ADH5: variants seen among roughly 807,000 people sequenced by gnomAD.
The protein encoded by ADH5 is alcohol dehydrogenase 5 (class III), chi polypeptide.
Under a neutral mutation model 40.3 loss-of-function variants are expected in ADH5, and 32 were observed. The observed-to-expected ratio is 0.79, with a 90% CI of 0.60 to 1.07. The LOEUF (loss-of-function observed/expected upper bound fraction) is 1.07, where lower values mean the gene tolerates loss of function less well. ADH5 is among the 50% of genes least tolerant of loss of function. The pLI, the probability that ADH5 is intolerant of heterozygous loss-of-function variation, is 0.00. For synonymous variants in ADH5, 125 were observed against 154.3 expected (o/e 0.81, Z 1.41); for missense variants, 353 against 460.5 (o/e 0.77, Z 2.14).
intron 2 of ADH5, among the ~76,000 whole-genome samples, chr4:99,083,621 AAAAAAG>A (rs1298313608): frequency 2.0e-5 from 3 of 150,926 alleles, no homozygotes; most frequent in African/African-American, 7.3e-5. Flanking sequence ...AAAAAAAAAA[AAAAAAG>A]ATAAAAAGAC....
Position 99,077,930 on chromosome 4 carries a change from C to T in ADH5, c.345-1007G>A, listed in dbSNP as rs116839106. Among the ~76,000 whole-genome samples the T allele has an allele frequency of 3.1e-3, 475 of 152,310 alleles. 4 individuals carry two copies. Among genetic ancestry groups the T allele is most frequent in the African/African-American group, 0.011 (457 of 41,562 alleles). ...ATTAATCTTTATGCCTTCATTTTCT[C>T]ACTAGAAAATGCTGAGAAACATAGG... On this transcript the variant is annotated intron_variant, in intron 4 of 8. Coordinates refer to ENST00000296412, the MANE Select transcript of ADH5 (RefSeq NM_000671.4).
chr4:99,076,551 A>G lies in ADH5; in HGVS notation c.566T>C (p.Leu189Ser), dbSNP rs1727935959. The change falls in exon 6 of 9, where the codon TTG (leucine) becomes TCG (serine). Residue 189 changes from leucine to serine, a missense_variant and splice_region_variant. Coordinates refer to ENST00000296412, the MANE Select transcript of ADH5 (RefSeq NM_000671.4). ...GYGAAVNTAK[L>S]EPGSVCAVFG... is the part of the protein sequence containing the mutation. ...GACGGCACAAACAGAGCCAGGCTCC[A>G]ACTAGGAGTAAAGAAAGTTTATAAA... is the stretch of plus-strand genomic sequence containing the variant. 6.2e-7 allele frequency: 1 copy of G among 1,612,286 alleles called. No homozygotes were observed. Among genetic ancestry groups the G allele is most frequent in the Admixed American group, 1.7e-5 (1 of 59,622 alleles).
intron 4 of ADH5, chr4:99,080,495 C>T (rs967823847): frequency 2.1e-4 from 17 of 79,918 alleles, no homozygotes; most frequent in East Asian, 0.017. Context: ...CACATCCCCC[C>T]GCTTCTTTCT....
chr4:99,076,508 G>T lies in ADH5; in HGVS notation c.609C>A (p.Val203=). ...TACAGCCCATGATAACTGCCAATCC[G>T]ACTCCTCCCAGACCAAAGACGGCAC... is the stretch of plus-strand genomic sequence containing the variant. ...SVCAVFGLGG[V]GLAVIMGCKV... The change falls in exon 6 of 9, where the codon GTC becomes GTA. Residue 203 remains valine (V), a synonymous_variant. Transcript: ENST00000296412. 1.9e-6 allele frequency: 3 copies of T among 1,614,058 alleles called. No homozygotes were observed. Among genetic ancestry groups the T allele is most frequent in the Non-Finnish European group, 2.5e-6 (3 of 1,179,970 alleles).
rs1266190291 is a variant in ADH5, at chr4:99,076,352, A to T, written c.765T>A (p.Ile255=). The T allele has an allele frequency of 1.2e-6, 2 of 1,613,232 alleles. No homozygotes were observed. Residue 255 remains isoleucine, a synonymous_variant, in exon 6 of 9, where the codon ATT becomes ATA. Transcript: ENST00000296412. ...DFSKPIQEVL[I]EMTDGGVDYS... is the part of the protein sequence containing the mutation. ...AGTCCACTCCTCCATCGGTCATCTC[A>T]ATGAGCACTTCCTGGATGGGTTTAC...
At chr4:99,075,079 A>T in intron 6 of ADH5, 30 bp from the exon 7 acceptor site, 2 of 1,515,080 alleles carry the variant, frequency 1.3e-6, no homozygotes, top group Non-Finnish European at 1.8e-6. Flanking sequence ...ACCAAATCAC[A>T]GAAGTCAGTG....
At position 99,081,400 on chromosome 4, in the gene ADH5, A is replaced by G; in HGVS notation, c.309T>C (p.Cys103=). 1 of 1,608,574 alleles carries G rather than the reference A, an allele frequency of 6.2e-7. No individual in the cohort carries two copies. The highest frequency in any genetic ancestry group is 1.1e-5 in the South Asian group (1 of 89,420). Residue 103 remains cysteine, a synonymous_variant, in exon 4 of 9, where the codon TGT becomes TGC. Coordinates refer to ENST00000296412, the MANE Select transcript of ADH5 (RefSeq NM_000671.4). ...YIPQCGECKF[C]LNPKTNLCQK... Reference sequence around the variant, plus strand: ...GGCAAAGGTTAGTTTTAGGATTTAGACAAAATTTGCATTCTCCACACTGTG... The same window carrying G: ...GGCAAAGGTTAGTTTTAGGATTTAGGCAAAATTTGCATTCTCCACACTGTG...
intron 7 of ADH5, among the ~76,000 whole-genome samples, chr4:99,073,969 A>G (rs1176051000): frequency 6.6e-6 from 1 of 152,234 alleles, no homozygotes; most frequent in African/African-American, 2.4e-5. Flanking sequence ...ACATGTATCT[A>G]GAGCTTTGAA....
chr4:99,086,598 T>C (rs1728136799), intron 1 of ADH5, among the ~76,000 whole-genome samples: 1 of 152,162 alleles, frequency 6.6e-6, no homozygotes, highest in Non-Finnish European at 1.5e-5. Context: ...TAATTATAAA[T>C]GGTGGTAAAA....
At chr4:99,078,213 A>T (rs1005906743) in intron 4 of ADH5, among the ~76,000 whole-genome samples, 1 of 152,126 alleles carries the variant, frequency 6.6e-6, no homozygotes, top group Non-Finnish European at 1.5e-5. Flanking sequence ...GGGCATAGAG[A>T]CGGGGTCTCA....
intron 4 of ADH5, 36 bp from the exon 5 acceptor site, chr4:99,076,959 TAGGTTTCTTAAAACCCAC>T (rs771904679): frequency 4.4e-4 from 650 of 1,481,564 alleles, no homozygotes; most frequent in Non-Finnish European, 5.7e-4. Flanking sequence ...AAGTTGGAAT[TAGGTTTCTTAAAACCCAC>T]AGGAAAAAGA....
At chr4:99,087,456 GT>G in intron 1 of ADH5, among the ~76,000 whole-genome samples, 1 of 151,790 alleles carries the variant, frequency 6.6e-6, no homozygotes, top group Non-Finnish European at 1.5e-5. Flanking sequence ...GGAAATGATC[GT>G]TTTTAAAATT....
chr4:99,081,487 G>GT (rs1235519498), intron 3 of ADH5, 35 bp from the exon 4 acceptor site: 3 of 1,407,182 alleles, frequency 2.1e-6, no homozygotes, highest in Non-Finnish European at 3.0e-6. Context: ...TGAATAGGTA[G>GT]TATCTATTTC....
At chr4:99,085,049 T>G in intron 2 of ADH5, 66 bp downstream of exon 2, 1 of 741,740 alleles carries the variant, frequency 1.3e-6, no homozygotes, top group South Asian at 3.9e-5. Flanking sequence ...AGATCTCAGA[T>G]CTACTCATCT....
intron 1 of ADH5, among the ~76,000 whole-genome samples, chr4:99,087,585 A>C (rs1728172740): frequency 6.6e-6 from 1 of 152,208 alleles, no homozygotes; most frequent in African/African-American, 2.4e-5. Context: ...CTAACAATTA[A>C]GTTATGCAAC....
At position 99,083,429 on chromosome 4, in the gene ADH5, G is replaced by A. The variant is rs562726431; in HGVS notation, c.115-1313C>T. The stretch of plus-strand genomic sequence containing the variant: ...AGCCTGGCCAACAGGGTGAAACTCC[G>A]TCTCTACTAACAATACAAAAACTAG... On this transcript the variant is annotated intron_variant, in intron 2 of 8. Transcript: ENST00000296412. 1.9e-4 allele frequency among the ~76,000 whole-genome samples: 29 copies of A among 151,724 alleles called. No individual in the cohort carries two copies. The South Asian group carries it at 5.0e-3, about 26-fold the overall frequency.
At chr4:99,088,566 C>A in intron 1 of ADH5, 123 bp downstream of exon 1, 1 of 1,062,222 alleles carries the variant, frequency 9.4e-7, no homozygotes, top group Non-Finnish European at 1.3e-6. Flanking sequence ...GGCCCAGTTT[C>A]AGAACCAAGA....
Position 99,081,962 on chromosome 4 carries a change from G to GTATT in ADH5, c.256+9_256+12dup. ...CAAAATTATTAAACAAGTGGTTCAA[G>GTATT]TATTCTCCTTACCCGCCTTCAGCTT... On this transcript the variant is annotated intron_variant, in intron 3 of 8. Coordinates refer to ENST00000296412, the MANE Select transcript of ADH5 (RefSeq NM_000671.4). 6.2e-7 allele frequency: 1 copy of GTATT among 1,613,148 alleles called. No homozygotes were observed. Among genetic ancestry groups the GTATT allele is most frequent in the Non-Finnish European group, 8.5e-7 (1 of 1,179,490 alleles).
At chr4:99,073,408 G>C (rs958787137) in intron 7 of ADH5, among the ~76,000 whole-genome samples, 11 of 152,176 alleles carry the variant, frequency 7.2e-5, no homozygotes, top group African/African-American at 2.7e-4. Flanking sequence ...TCGATCTCCT[G>C]ACCTCGTGAT....
Sources: allele counts gnomAD v4.1 joint callset (sites outside exome capture counted in the v4.1 genomes callset), GRCh38; gene constraint gnomAD v4.1.1; transcripts MANE v1.5; gene names NCBI Gene and HGNC (gene_info 2026-07-23, HGNC 2026-07-21).